The following TSNAXIP1 variants were observed in gnomAD, a reference collection of about 807,000 sequenced individuals.
TSNAXIP1 encodes the protein translin-associated factor X-interacting protein 1.
A neutral mutation model predicts 84.8 loss-of-function variants in TSNAXIP1; 89 were observed. The observed-to-expected ratio is 1.05, with a 90% CI of 0.88 to 1.25. TSNAXIP1 has a LOEUF of 1.25. TSNAXIP1 is among the 50% of genes most tolerant of loss of function. TSNAXIP1 has a pLI of 0.00. For synonymous variants in TSNAXIP1, 347 were observed against 335.2 expected (o/e 1.04, Z -0.39); for missense variants, 874 against 887.6 (o/e 0.98, Z 0.20).
At chr16:67,807,871 C>G (rs1055520803) in intron 1 of TSNAXIP1, 1 of 155,574 alleles carries the variant, frequency 6.4e-6, no homozygotes, top group African/African-American at 2.4e-5. Flanking sequence ...CTGGAGAGAT[C>G]ATCCTCTGGG....
At chr16:67,816,882 G>A (rs2056601679) in intron 2 of TSNAXIP1, among the ~76,000 whole-genome samples, 1 of 151,790 alleles carries the variant, frequency 6.6e-6, no homozygotes, top group Admixed American at 6.6e-5. Context: ...ACTCGCCTCT[G>A]CAAGCAAAGG....
At chr16:67,825,074 G>A in intron 6 of TSNAXIP1, 63 bp from the exon 7 acceptor site, 2 of 1,587,194 alleles carry the variant, frequency 1.3e-6, no homozygotes, top group Non-Finnish European at 1.7e-6. Context: ...CACTCCCTGG[G>A]GTGACCAGCT....
Position 67,824,756 on chromosome 16 carries a change from G to A in TSNAXIP1, c.655G>A (p.Glu219Lys), listed in dbSNP as rs1567768738. 1 of 1,613,974 alleles carries A rather than the reference G, an allele frequency of 6.2e-7. No homozygotes were observed. The highest frequency in any genetic ancestry group is 8.5e-7 in the Non-Finnish European group (1 of 1,179,906). The change falls in exon 6 of 16, where the codon GAG becomes AAG. Residue 219 changes from glutamate (E) to lysine (K), a missense_variant. Physicochemically the swap from Glu to Lys is moderately conservative, Grantham distance 56. Transcript: ENST00000561639. ...LLKLIDKKNE[E>K]KISLQSEVTK... is the part of the protein sequence containing the mutation. The stretch of plus-strand genomic sequence containing the variant: ...AAAACTCATCGACAAAAAGAATGAG[G>A]AGAAGATTTCATTGCAGAGCGAGGT...
Position 67,813,731 on chromosome 16 carries a change from C to CAAAAAAAAAAAAAA in TSNAXIP1, c.48-560_48-547dup, listed in dbSNP as rs373627128. Among the ~76,000 whole-genome samples the CAAAAAAAAAAAAAA allele has an allele frequency of 4.9e-5, 2 of 41,206 alleles. 1 individual carries two copies. The highest frequency in any genetic ancestry group is 9.2e-5 in the Non-Finnish European group (2 of 21,634). 27.0% of individuals were successfully genotyped at this position (41,206 alleles called of 152,430 possible). On this transcript the variant is annotated intron_variant, in intron 1 of 15. Coordinates refer to ENST00000561639, the MANE Select transcript of TSNAXIP1 (RefSeq NM_001288990.3). ...TGGGTGACAGGGTAAGACTCCGTCT[C>CAAAAAAAAAAAAAA]AAAAAAAAAAAAAAAAAAAAAAAAG... is the stretch of plus-strand genomic sequence containing the variant.
In TSNAXIP1 at chr16:67,823,687, C is replaced by A; in HGVS notation, c.449C>A (p.Ser150Tyr). ...TTCAAAACGTACAAGCCATTACTAT[C>A]CTCCATCAAGAATGCGTATGAGGGG... ...EDFKTYKPLL[S>Y]SIKNAYEGML... The change falls in exon 5 of 16, where the codon TCC (serine) becomes TAC (tyrosine). Residue 150 changes from serine (S) to tyrosine (Y), a missense_variant. Transcript: ENST00000561639. 1.2e-6 allele frequency: 2 copies of A among 1,613,754 alleles called. No homozygotes were observed. The highest frequency in any genetic ancestry group is 1.7e-6 in the Non-Finnish European group (2 of 1,179,830).
Position 67,807,028 on chromosome 16 carries a change from C to A in TSNAXIP1, c.-122C>A. On this transcript the variant is annotated 5_prime_UTR_variant, in exon 1 of 16. Transcript: ENST00000561639. ...GCGGGCGCTAGGCTCGGGGGCGTGG[C>A]GCATCCCTGACTCCGCCCCCGCCGC... The A allele has an allele frequency of 6.9e-7, 1 of 1,441,972 alleles. No individual in the cohort carries two copies. Among genetic ancestry groups the A allele is most frequent in the Admixed American group, 2.5e-5 (1 of 39,638 alleles). The allele number at this position is 1,441,972 out of a possible 1,614,324, so 89.3% of individuals were successfully genotyped here.
At chr16:67,811,552 C>G (rs901979010) in intron 1 of TSNAXIP1, among the ~76,000 whole-genome samples, 1 of 149,078 alleles carries the variant, frequency 6.7e-6, no homozygotes. Context: ...AGAGATTCTC[C>G]TGCCTCAGCC....
Position 67,826,151 on chromosome 16 carries a change from G to T in TSNAXIP1, c.1145-1G>T. The T allele has an allele frequency of 6.2e-7, 1 of 1,613,296 alleles. No individual in the cohort carries two copies. Among genetic ancestry groups the T allele is most frequent in the East Asian group, 2.2e-5 (1 of 44,864 alleles). ...CTCCAGCTCCCTCTCCCCACATGCA[G>T]ATGTGGTGGCTGGGGGCCCAGAGCG... On this transcript the variant is annotated splice_acceptor_variant, in intron 9 of 15. Coordinates refer to ENST00000561639, the MANE Select transcript of TSNAXIP1 (RefSeq NM_001288990.3). LOFTEE classifies it high-confidence loss of function.
chr16:67,810,348 C>T (rs932233730), intron 1 of TSNAXIP1, among the ~76,000 whole-genome samples: 12 of 152,254 alleles, frequency 7.9e-5, no homozygotes, highest in Admixed American at 5.2e-4. Flanking sequence ...AGGCCGGGTA[C>T]GGTGGCTCAC....
At position 67,825,970 on chromosome 16, in the gene TSNAXIP1, C is replaced by T; in HGVS notation, c.1038C>T (p.Leu346=). The change falls in exon 9 of 16, where the codon CTC becomes CTT. Residue 346 remains leucine, a synonymous_variant. Transcript: ENST00000561639. ...AGGTTCGCAAGGAGCATGAGATCCT[C>T]ATGCAGCTGCACATGAGCACGCTGA... ...YEEVRKEHEI[L]MQLHMSTLKE... is the part of the protein sequence containing the mutation. The T allele has an allele frequency of 6.2e-7, 1 of 1,614,152 alleles. No individual in the cohort carries two copies.
rs183169374 is a variant in TSNAXIP1 at position 67,817,371 on chromosome 16, C to T, written c.147+2970C>T. 8.3e-3 allele frequency among the ~76,000 whole-genome samples: 1,205 copies of T among 145,302 alleles called. 6 individuals are homozygous for T. Among genetic ancestry groups the T allele is most frequent in the Non-Finnish European group, 0.013 (874 of 65,984 alleles). ...GACGGGGTTTCACCGTGGTCTCGAT[C>T]TCCTAACCTCGTGATCCACCCGCCT... On this transcript the variant is annotated intron_variant, in intron 2 of 15. Coordinates refer to ENST00000561639, the MANE Select transcript of TSNAXIP1 (RefSeq NM_001288990.3).
chr16:67,813,363 G>A (rs1216380880), intron 1 of TSNAXIP1, among the ~76,000 whole-genome samples: 2 of 151,806 alleles, frequency 1.3e-5, no homozygotes, highest in Non-Finnish European at 2.9e-5. Context: ...CTCTACCCTG[G>A]GTGACAGAGT....
chr16:67,820,909 A>T lies in TSNAXIP1; in HGVS notation c.218A>T (p.Gln73Leu), dbSNP rs774066417. Residue 73 changes from glutamine to leucine, a missense_variant, in exon 3 of 16, where the codon CAA (glutamine) becomes CTA (leucine). By Grantham distance (113) the Gln-to-Leu change is moderately radical. Coordinates refer to ENST00000561639, the MANE Select transcript of TSNAXIP1 (RefSeq NM_001288990.3). ...TACACCAGTGGCCAGACCATTTTGC[A>T]AAATCGAAAACCCTGTTCAGATGAC... ...PTYTSGQTIL[Q>L]NRKPCSDDYR... 5 of 1,604,840 alleles carry T rather than the reference A, an allele frequency of 3.1e-6. No individual in the cohort carries two copies. The highest frequency in any genetic ancestry group is 4.3e-6 in the Non-Finnish European group (5 of 1,175,528).
chr16:67,815,258 G>A (rs2056439983), intron 2 of TSNAXIP1, among the ~76,000 whole-genome samples: 1 of 135,690 alleles, frequency 7.4e-6, no homozygotes, highest in African/African-American at 2.8e-5. Context: ...AGGTTGCAGT[G>A]AGCCGAGATC....
chr16:67,807,811 T>C (rs1203636453), intron 1 of TSNAXIP1: 2 of 172,568 alleles, frequency 1.2e-5, no homozygotes, highest in South Asian at 1.1e-4. Flanking sequence ...ACAACAACTG[T>C]ATAAAGTAGT....
In TSNAXIP1 at chr16:67,825,195, A is replaced by G. The variant is rs74684664; in HGVS notation, c.737A>G (p.Asp246Gly). The stretch of plus-strand genomic sequence containing the variant: ...TACCTGCACTACCTCAGTGAGCGAG[A>G]TGCCTGTAAGATCCTCATCGCAGAC... ...EEYLHYLSERDACKILIADLN... is the reference protein window; with the variant it reads ...EEYLHYLSERGACKILIADLN... The change falls in exon 7 of 16, where the codon GAT becomes GGT. Residue 246 changes from aspartate (D) to glycine (G), a missense_variant. Physicochemically the swap from Asp to Gly is moderately conservative, Grantham distance 94. Transcript: ENST00000561639. 4.2e-3 allele frequency: 6,855 copies of G among 1,614,162 alleles called. 14 individuals carry two copies. The highest frequency in any genetic ancestry group is 5.3e-3 in the Non-Finnish European group (6,213 of 1,180,026).
At chr16:67,820,988 A>T in intron 3 of TSNAXIP1, 37 bp downstream of exon 3, 2 of 1,588,010 alleles carry the variant, frequency 1.3e-6, no homozygotes, top group Non-Finnish European at 1.7e-6. Flanking sequence ...GTGAGCTGGC[A>T]TGGGCCAGGC....
At chr16:67,814,744 T>C (rs1202154068) in intron 2 of TSNAXIP1, among the ~76,000 whole-genome samples, 2 of 152,184 alleles carry the variant, frequency 1.3e-5, no homozygotes, top group Non-Finnish European at 2.9e-5. Flanking sequence ...CACCAGGCAC[T>C]GTGCTACCTG....
Position 67,827,794 on chromosome 16 carries a change from T to C in TSNAXIP1, c.1940T>C (p.Met647Thr), listed in dbSNP as rs749291292. The C allele has an allele frequency of 3.7e-6, 6 of 1,613,996 alleles. No individual in the cohort carries two copies. The highest frequency in any genetic ancestry group is 8.5e-7 in the Non-Finnish European group (1 of 1,180,020). The part of the protein sequence containing the change: ...VTLPKLRGGL[M>T]TIDPSLDKQT... The stretch of plus-strand genomic sequence containing the variant: ...CTGCCCAAGCTGCGAGGGGGCCTGA[T>C]GACCATCGACCCCAGCCTGGACAAG... The change falls in exon 16 of 16, where the codon ATG becomes ACG. Residue 647 changes from methionine to threonine, a missense_variant. Physicochemically the swap from Met to Thr is moderately conservative, Grantham distance 81. Coordinates refer to ENST00000561639, the MANE Select transcript of TSNAXIP1 (RefSeq NM_001288990.3).
Sources: allele counts gnomAD v4.1 joint callset (sites outside exome capture counted in the v4.1 genomes callset), GRCh38; gene constraint gnomAD v4.1.1; transcripts MANE v1.5; gene names NCBI Gene and HGNC (gene_info 2026-07-23, HGNC 2026-07-21).